Variants in CNTN5 observed in about 807,000 individuals in gnomAD.
The protein encoded by CNTN5 is contactin 5, also known as contactin-5.
In CNTN5, 77 loss-of-function variants were observed where a neutral mutation model predicts 129.1. The ratio of observed to expected loss-of-function variants is 0.60; its 90% CI spans 0.50 to 0.72. The LOEUF is 0.72. Ranked by LOEUF, CNTN5 falls within the 30% of genes least tolerant of loss-of-function variation. The pLI is 0.00. For synonymous variants in CNTN5, 509 were observed against 465.6 expected, an observed-to-expected ratio of 1.09 and a Z score of -1.20; for missense variants, 1,478 against 1,328.8, an observed-to-expected ratio of 1.11 and a Z score of -1.75.
Position 99,794,244 on chromosome 11 carries a change from C to T in CNTN5, c.56-25300C>T, listed in dbSNP as rs183356907. Reference sequence around the variant, plus strand: ...TTTTGTCTGAAATTAGAATAGCAATCATTGCTTTTTTTTCTGTTTTCCATT... The same window carrying T: ...TTTTGTCTGAAATTAGAATAGCAATTATTGCTTTTTTTTCTGTTTTCCATT... On this transcript the variant is annotated intron_variant, in intron 3 of 24. Transcript: ENST00000524871. 3.0e-3 allele frequency among the ~76,000 whole-genome samples: 438 copies of T among 146,632 alleles called. 5 individuals carry two copies. Among genetic ancestry groups the T allele is most frequent in the African/African-American group, 0.011 (422 of 40,022 alleles).
intron 7 of CNTN5, among the ~76,000 whole-genome samples, chr11:99,945,419 G>GT (rs1178654030): frequency 2.6e-5 from 4 of 151,458 alleles, no homozygotes; most frequent in Non-Finnish European, 5.9e-5. Flanking sequence ...GTTTTATGAA[G>GT]TTTTTTTAGA....
chr11:99,659,277 T>TAAG (rs535715853), intron 3 of CNTN5, among the ~76,000 whole-genome samples: 83 of 152,244 alleles, frequency 5.5e-4, no homozygotes, highest in Admixed American at 2.0e-3. Flanking sequence ...AAGAGAATCA[T>TAAG]AAGATGTGGA....
intron 17 of CNTN5, among the ~76,000 whole-genome samples, chr11:100,257,063 A>C (rs1046368415): frequency 6.6e-6 from 1 of 152,126 alleles, no homozygotes; most frequent in African/African-American, 2.4e-5. Flanking sequence ...AATTCTCAAC[A>C]GTCTGAAGTT....
At chr11:99,273,246 T>C (rs1231910581) in intron 1 of CNTN5, among the ~76,000 whole-genome samples, 2 of 151,818 alleles carry the variant, frequency 1.3e-5, no homozygotes, top group East Asian at 3.9e-4. Flanking sequence ...CATGTGATTT[T>C]ACTCTCTAAT....
intron 2 of CNTN5, among the ~76,000 whole-genome samples, chr11:99,326,672 T>C (rs1430738217): frequency 6.6e-6 from 1 of 152,154 alleles, no homozygotes; most frequent in Non-Finnish European, 1.5e-5. Flanking sequence ...GTCATTTTGA[T>C]TGCAGGCCCT....
Position 99,845,043 on chromosome 11 carries a change from C to G in CNTN5, c.402-44C>G, listed in dbSNP as rs746574518. On this transcript the variant is annotated intron_variant, in intron 5 of 24. Coordinates refer to ENST00000524871, the MANE Select transcript of CNTN5 (RefSeq NM_014361.4). The stretch of plus-strand genomic sequence containing the variant: ...TTTCCATCAATGATATTCTGACACT[C>G]TCAGGGAGGATTATACATATTTGTC... The G allele has an allele frequency of 9.3e-6, 15 of 1,610,120 alleles. No homozygotes were observed. In the Admixed American group the frequency reaches 2.5e-4, roughly 27 times the overall value.
At chr11:99,727,028 C>A (rs935724834) in intron 3 of CNTN5, among the ~76,000 whole-genome samples, 1 of 151,584 alleles carries the variant, frequency 6.6e-6, no homozygotes, top group Admixed American at 6.6e-5. Flanking sequence ...AGGGCATGGC[C>A]GGGCGCGGTG....
At chr11:99,124,280 T>G (rs528873401) in intron 1 of CNTN5, among the ~76,000 whole-genome samples, 1 of 152,186 alleles carries the variant, frequency 6.6e-6, no homozygotes, top group Non-Finnish European at 1.5e-5. Context: ...ATTTTATTCT[T>G]TTTGTGGCAA....
chr11:100,172,546 A>G (rs993008381), intron 13 of CNTN5, among the ~76,000 whole-genome samples: 34 of 152,148 alleles, frequency 2.2e-4, no homozygotes, highest in African/African-American at 8.2e-4. Flanking sequence ...GAATCTGGGA[A>G]CATTGCCTAG....
intron 1 of CNTN5, among the ~76,000 whole-genome samples, chr11:99,125,191 T>G (rs560774191): frequency 9.5e-4 from 144 of 152,160 alleles, no homozygotes; most frequent in African/African-American, 3.3e-3. Flanking sequence ...GTATTCTTGA[T>G]GAATTAAAAA....
intron 1 of CNTN5, among the ~76,000 whole-genome samples, chr11:99,074,471 A>G (rs1865478242): frequency 6.6e-6 from 1 of 152,194 alleles, no homozygotes; most frequent in South Asian, 2.1e-4. Flanking sequence ...CATTTAGGAC[A>G]TAGGCATGGC....
chr11:100,012,578 A>G (rs1439825119), intron 9 of CNTN5, among the ~76,000 whole-genome samples: 2 of 152,156 alleles, frequency 1.3e-5, no homozygotes, highest in African/African-American at 4.8e-5. Context: ...CTGCCCTAGA[A>G]CTAGTTAACC....
intron 4 of CNTN5, among the ~76,000 whole-genome samples, chr11:99,827,975 G>A (rs1947019484): frequency 6.6e-6 from 1 of 151,868 alleles, no homozygotes; most frequent in African/African-American, 2.4e-5. Flanking sequence ...GGAGATATTG[G>A]CCATCTACTG....
intron 2 of CNTN5, among the ~76,000 whole-genome samples, chr11:99,439,435 C>T (rs568272692): frequency 5.1e-4 from 78 of 151,996 alleles, no homozygotes; most frequent in Non-Finnish European, 9.9e-4. Flanking sequence ...TAGACAGGCG[C>T]GGTGGCTCAC....
Position 100,350,722 on chromosome 11 carries a change from T to G in CNTN5, c.3051T>G (p.Gly1017=), listed in dbSNP as rs373262359. 1.0e-5 allele frequency: 16 copies of G among 1,607,212 alleles called. No individual in the cohort carries two copies. The African/African-American group carries it at 2.1e-4, about 22-fold the overall frequency. ...VGYKVFYRQE[G]HSNSQVIETQ... ...CTCAGGTTTTTTATAGGCAAGAGGG[T>G]CACAGCAACAGCCAAGTTATTGAAA... The change falls in exon 24 of 25, where the codon GGT becomes GGG. Residue 1017 remains glycine, a synonymous_variant. Coordinates refer to ENST00000524871, the MANE Select transcript of CNTN5 (RefSeq NM_014361.4).
chr11:99,333,161 G>T lies in CNTN5; in HGVS notation c.-71+7677G>T, dbSNP rs966950324. 3.3e-5 allele frequency among the ~76,000 whole-genome samples: 5 copies of T among 151,936 alleles called. No individual in the cohort carries two copies. In the East Asian group the frequency reaches 9.7e-4, roughly 29 times the overall value. ...AAATGTCATTTGTAAAAAGTTTTAT[G>T]CTTTTATTTTAATGCTACATTTGGC... On this transcript the variant is annotated intron_variant, in intron 2 of 24. Transcript: ENST00000524871.
At chr11:100,297,552 C>T in intron 18 of CNTN5, 73 bp from the exon 19 acceptor site, 2 of 1,123,140 alleles carry the variant, frequency 1.8e-6, no homozygotes, top group Admixed American at 2.0e-5. Flanking sequence ...AAACTTCTGA[C>T]TTATCTCAGG....
intron 1 of CNTN5, among the ~76,000 whole-genome samples, chr11:99,138,318 T>C (rs538081355): frequency 6.6e-6 from 1 of 152,304 alleles, no homozygotes; most frequent in African/African-American, 2.4e-5. Flanking sequence ...TCGTCCTATA[T>C]GGATGAAATG....
intron 1 of CNTN5, among the ~76,000 whole-genome samples, chr11:99,226,612 A>G (rs184052758): frequency 2.0e-5 from 3 of 152,284 alleles, no homozygotes; most frequent in Admixed American, 6.5e-5. Flanking sequence ...AAACTCCACT[A>G]TGATTCCATA....
Sources: allele counts gnomAD v4.1 joint callset (sites outside exome capture counted in the v4.1 genomes callset), GRCh38; gene constraint gnomAD v4.1.1; transcripts MANE v1.5; gene names NCBI Gene and HGNC (gene_info 2026-07-23, HGNC 2026-07-21).